The following CARD8 variants were observed in gnomAD, a reference collection of about 807,000 sequenced individuals.
CARD8 encodes caspase recruitment domain-containing protein 8.
In CARD8, 38 loss-of-function variants were observed where a neutral mutation model predicts 53.2. That is an observed-to-expected ratio of 0.71 (90% CI 0.55 to 0.94). CARD8 has a LOEUF of 0.94. Among genes scored for constraint, CARD8 ranks in the 40% least tolerant of loss-of-function variants. CARD8 has a pLI of 0.00. For synonymous variants in CARD8, 245 were observed against 244.9 expected (o/e 1.00, Z 0.00); for missense variants, 561 against 655.5 (o/e 0.86, Z 1.57).
intron 4 of CARD8, among the ~76,000 whole-genome samples, chr19:48,238,887 T>C (rs770175583): frequency 1.3e-5 from 2 of 152,222 alleles, no homozygotes; most frequent in African/African-American, 2.4e-5. Context: ...CACATTTTTA[T>C]TGAACTAACT....
chr19:48,215,628 C>T (rs1381192040), intron 12 of CARD8, among the ~76,000 whole-genome samples: 1 of 152,142 alleles, frequency 6.6e-6, no homozygotes, highest in African/African-American at 2.4e-5. Flanking sequence ...AGGCCAATAT[C>T]TTAGGAACTA....
downstream of CARD8, chr19:48,204,270 A>C (rs1268551910): frequency 2.2e-6 from 1 of 444,918 alleles, no homozygotes; most frequent in East Asian, 7.2e-5. Context: ...CGGGGATTAG[A>C]GACCTCGCGG....
intron 10 of CARD8, among the ~76,000 whole-genome samples, chr19:48,226,580 T>C (rs2041834619): frequency 6.6e-6 from 1 of 152,178 alleles, no homozygotes; most frequent in African/African-American, 2.4e-5. Context: ...TATGGGCCAA[T>C]TGCATGTAAT....
Position 48,217,333 on chromosome 19 carries a change from A to G in CARD8, c.1303+1538T>C, listed in dbSNP as rs1051045629. 2.6e-5 allele frequency among the ~76,000 whole-genome samples: 4 copies of G among 152,170 alleles called. 1 individual carries two copies. The highest frequency in any genetic ancestry group is 5.9e-5 in the Non-Finnish European group (4 of 68,024). On this transcript the variant is annotated intron_variant, in intron 12 of 13. Transcript: ENST00000651546. ...AAACTACTAAAATACAACAGCAGCA[A>G]CAGGCAAAACTCAGTTGAAATTGTT...
intron 4 of CARD8, 83 bp from the exon 5 acceptor site, chr19:48,238,615 A>C: frequency 7.6e-7 from 1 of 1,309,662 alleles, no homozygotes. Context: ...TGATGTAGCG[A>C]AAGTAGCCCG....
In CARD8 at chr19:48,230,655, T is replaced by C. The variant is rs1418476077; in HGVS notation, c.818A>G (p.Asn273Ser). 1.2e-6 allele frequency: 2 copies of C among 1,613,922 alleles called. No homozygotes were observed. Among genetic ancestry groups the C allele is most frequent in the African/African-American group, 2.7e-5 (2 of 74,892 alleles). ...VSWFLVAHFKNEGMVLEHPAR... is the reference protein window; with the variant it reads ...VSWFLVAHFKSEGMVLEHPAR... ...TGGATGCTCCAGGACCATCCCTTCATTCTTAAAATGGGCAACGAGAAACCA... is the reference window on the plus strand; with the variant it reads ...TGGATGCTCCAGGACCATCCCTTCACTCTTAAAATGGGCAACGAGAAACCA... Residue 273 changes from asparagine to serine, a missense_variant, in exon 10 of 14, where the codon AAT becomes AGT. By Grantham distance (46) the Asn-to-Ser change is conservative. Transcript: ENST00000651546.
intron 9 of CARD8, 32 bp downstream of exon 9, chr19:48,230,745 G>T: frequency 6.2e-7 from 1 of 1,612,786 alleles, no homozygotes; most frequent in Non-Finnish European, 8.5e-7. Flanking sequence ...GCACCCCAGC[G>T]GCCCCCACAG....
At position 48,208,332 on chromosome 19, in the gene CARD8, A is replaced by G. The variant is rs968691612; in HGVS notation, c.*3378T>C. The G allele has an allele frequency of 2.0e-5, 3 of 152,276 alleles. No homozygotes were observed. The highest frequency in any genetic ancestry group is 3.9e-4 in the East Asian group (2 of 5,176). 9.4% of individuals were successfully genotyped at this position (152,276 alleles called of 1,614,324 possible). A position where few individuals can be genotyped will look rare whatever the true frequency, so the allele number is the denominator to read the frequency against. On this transcript the variant is annotated 3_prime_UTR_variant, in exon 14 of 14. Transcript: ENST00000651546. ...ATTCATTGCGCTGGTCCTAATTCAC[A>G]TTCAAACGCCCTGAGAATGGAGCTA...
At chr19:48,231,944 T>C (rs760082973) in intron 7 of CARD8, 134 bp from the exon 8 acceptor site, 6 of 784,340 alleles carry the variant, frequency 7.6e-6, no homozygotes, top group African/African-American at 5.1e-5. Flanking sequence ...GACCAGAATA[T>C]GCAGTTTCGC....
intron 3 of CARD8, among the ~76,000 whole-genome samples, chr19:48,241,398 G>C (rs1219881636): frequency 6.6e-6 from 1 of 152,090 alleles, no homozygotes; most frequent in Non-Finnish European, 1.5e-5. Context: ...TGGGATTACA[G>C]GCATGCGCCA....
chr19:48,212,062 G>A (rs1270205027), intron 13 of CARD8, 87 bp from the exon 14 acceptor site: 1 of 1,279,674 alleles, frequency 7.8e-7, no homozygotes, highest in Non-Finnish European at 1.1e-6. Flanking sequence ...AAAATTCAGG[G>A]GTGGGAGATT....
At chr19:48,236,381 T>A (rs2043885906) in intron 5 of CARD8, among the ~76,000 whole-genome samples, 1 of 151,972 alleles carries the variant, frequency 6.6e-6, no homozygotes, top group African/African-American at 2.4e-5. Context: ...CCCGGTTAAT[T>A]TTTTATATTT....
At chr19:48,227,828 A>C (rs1349905050) in intron 10 of CARD8, among the ~76,000 whole-genome samples, 1 of 152,052 alleles carries the variant, frequency 6.6e-6, no homozygotes, top group Admixed American at 6.5e-5. Context: ...GAAAGAAAAG[A>C]AAAGTCACAG....
chr19:48,238,069 T>C (rs2044243091), intron 5 of CARD8, among the ~76,000 whole-genome samples: 1 of 151,794 alleles, frequency 6.6e-6, no homozygotes, highest in South Asian at 2.1e-4. Context: ...TTTTGTATTT[T>C]TAGTAGAGAT....
chr19:48,240,525 T>A (rs2044790088), intron 4 of CARD8, among the ~76,000 whole-genome samples: 1 of 151,710 alleles, frequency 6.6e-6, no homozygotes. Flanking sequence ...TCCCAGCACT[T>A]TGGGAGGCCG....
chr19:48,248,537 G>C (rs2046476175), intron 3 of CARD8, among the ~76,000 whole-genome samples: 1 of 152,192 alleles, frequency 6.6e-6, no homozygotes, highest in Admixed American at 6.5e-5. Context: ...ACCACTATCA[G>C]TTATCATTCT....
intron 12 of CARD8, among the ~76,000 whole-genome samples, chr19:48,218,482 G>C (rs1031401631): frequency 6.6e-6 from 1 of 150,452 alleles, no homozygotes; most frequent in Admixed American, 6.6e-5. Context: ...AGCCTCCCAC[G>C]TAGCCAGGAC....
intron 12 of CARD8, among the ~76,000 whole-genome samples, chr19:48,215,715 CAT>C (rs2039138931): frequency 6.6e-6 from 1 of 152,194 alleles, no homozygotes; most frequent in African/African-American, 2.4e-5. Flanking sequence ...AACAACATTA[CAT>C]GAGTTAATTA....
At chr19:48,240,893 C>A in intron 4 of CARD8, 69 bp downstream of exon 4, 3 of 1,199,270 alleles carry the variant, frequency 2.5e-6, no homozygotes, top group Non-Finnish European at 3.6e-6. Flanking sequence ...TCCTCTGTAT[C>A]TCATGAACTA....
Sources: allele counts gnomAD v4.1 joint callset (sites outside exome capture counted in the v4.1 genomes callset), GRCh38; gene constraint gnomAD v4.1.1; transcripts MANE v1.5; gene names NCBI Gene and HGNC (gene_info 2026-07-23, HGNC 2026-07-21).